SNTG2: variants seen among roughly 807,000 people sequenced by gnomAD.
SNTG2 encodes syntrophin gamma 2.
A neutral mutation model predicts 70.9 loss-of-function variants in SNTG2; 74 were observed. That is an observed-to-expected ratio of 1.04 (90% confidence interval 0.86 to 1.27). The LOEUF (loss-of-function observed/expected upper bound fraction) is 1.27, where lower values mean the gene tolerates loss of function less well. Ranked by LOEUF, SNTG2 falls within the 50% of genes most tolerant of loss-of-function variation. SNTG2 has a pLI of 0.00. For synonymous variants in SNTG2, 278 were observed against 273.8 expected (o/e 1.02, Z -0.15); for missense variants, 717 against 690.7 (o/e 1.04, Z -0.43).
At chr2:1,360,889 G>A (rs4281947) in intron 16 of SNTG2, among the ~76,000 whole-genome samples, 109,744 of 152,060 alleles carry the variant, frequency 0.72, 39,897 homozygotes, top group East Asian at 0.94. Flanking sequence ...AACGATTCCA[G>A]TCACCTGCGT....
intron 4 of SNTG2, among the ~76,000 whole-genome samples, chr2:1,116,122 G>A (rs192784534): frequency 1.3e-5 from 2 of 152,326 alleles, no homozygotes; most frequent in South Asian, 2.1e-4. Flanking sequence ...GGATGTAATC[G>A]TAGGTGGTTG....
At chr2:1,148,985 A>G (rs1038240194) in intron 6 of SNTG2, among the ~76,000 whole-genome samples, 2 of 152,002 alleles carry the variant, frequency 1.3e-5, no homozygotes, top group Non-Finnish European at 2.9e-5. Flanking sequence ...CCTTTCCCTA[A>G]AAATAACAAA....
chr2:1,327,633 AC>A (rs1289887165), intron 16 of SNTG2, among the ~76,000 whole-genome samples: 2 of 152,180 alleles, frequency 1.3e-5, no homozygotes, highest in African/African-American at 2.4e-5. Context: ...TTTTCTGTTA[AC>A]CATTTTTATA....
chr2:1,011,874 A>T (rs1659738022), intron 1 of SNTG2, among the ~76,000 whole-genome samples: 1 of 152,244 alleles, frequency 6.6e-6, no homozygotes, highest in Admixed American at 6.5e-5. Context: ...AGCTGTAGTG[A>T]AACTCTGCAT....
At position 1,222,115 on chromosome 2, in the gene SNTG2, G is replaced by GTCTCTCTCTGTCTCTGTCTCTC. The variant is rs1675204814; in HGVS notation, c.719+12900_719+12901insGTCTCTCTCTCTCTCTGTCTCT. On this transcript the variant is annotated intron_variant, in intron 9 of 16. Coordinates refer to ENST00000308624, the MANE Select transcript of SNTG2 (RefSeq NM_018968.4). ...TCTCTGTCTCTCTCTGTCTCTCTCT[G>GTCTCTCTCTGTCTCTGTCTCTC]TCTCTCTCTGTCTCTCTCTGTCTCT... Among the ~76,000 whole-genome samples the GTCTCTCTCTGTCTCTGTCTCTC allele has an allele frequency of 1.4e-4, 3 of 22,060 alleles. 1 individual carries two copies. The highest frequency in any genetic ancestry group is 1.4e-3 in the Admixed American group (3 of 2,222). 14.5% of individuals were successfully genotyped at this position (22,060 alleles called of 152,430 possible).
chr2:1,094,823 G>A lies in SNTG2; in HGVS notation c.211-3373G>A, dbSNP rs1189667039. On this transcript the variant is annotated intron_variant, in intron 2 of 16. Transcript: ENST00000308624. ...CTGCAGGCAAAGGCCTTATAGGTGT[G>A]TCCTCATGTGGTAGAGTTACTGGCA... Among the ~76,000 whole-genome samples, 2 of 80,458 alleles carry A rather than the reference G, an allele frequency of 2.5e-5. 1 individual carries two copies. Among genetic ancestry groups the A allele is most frequent in the Non-Finnish European group, 4.6e-5 (2 of 43,290 alleles). The allele number at this position is 80,458 out of a possible 152,430, so 52.8% of individuals were successfully genotyped here.
At chr2:1,167,304 C>T (rs898725297) in intron 7 of SNTG2, among the ~76,000 whole-genome samples, 1 of 150,824 alleles carries the variant, frequency 6.6e-6, no homozygotes, top group Non-Finnish European at 1.5e-5. Context: ...AAGCCACCCA[C>T]AGACGGCAGA....
intron 14 of SNTG2, among the ~76,000 whole-genome samples, chr2:1,281,121 G>A (rs548509943): frequency 6.6e-6 from 1 of 151,962 alleles, no homozygotes; most frequent in East Asian, 1.9e-4. Flanking sequence ...TTCATGAGTG[G>A]ATAAAACCAA....
chr2:1,091,687 A>C (rs1439076092), intron 2 of SNTG2, among the ~76,000 whole-genome samples: 4 of 152,188 alleles, frequency 2.6e-5, no homozygotes, highest in Non-Finnish European at 5.9e-5. Flanking sequence ...GAGAAGCCAG[A>C]TCCAACTCCT....
intron 1 of SNTG2, among the ~76,000 whole-genome samples, chr2:980,383 G>A (rs1035010926): frequency 6.6e-6 from 1 of 152,142 alleles, no homozygotes; most frequent in African/African-American, 2.4e-5. Context: ...CAACGATTCT[G>A]TTTCCTATGG....
chr2:988,625 G>A (rs560130481), intron 1 of SNTG2, among the ~76,000 whole-genome samples: 29 of 152,246 alleles, frequency 1.9e-4, no homozygotes, highest in Admixed American at 1.5e-3. Flanking sequence ...GGCTGTGGGC[G>A]TTCATACGTG....
At chr2:1,168,010 T>C (rs1481356726) in intron 7 of SNTG2, among the ~76,000 whole-genome samples, 1 of 128,406 alleles carries the variant, frequency 7.8e-6, no homozygotes. Flanking sequence ...ACGGCAGAAC[T>C]GAAGCCTAGA....
intron 1 of SNTG2, among the ~76,000 whole-genome samples, chr2:1,069,500 AAAC>A (rs1160181219): frequency 2.0e-5 from 3 of 151,188 alleles, no homozygotes; most frequent in African/African-American, 7.4e-5. Flanking sequence ...AAAAAAAAAA[AAAC>A]AAAAACAGGC....
intron 1 of SNTG2, among the ~76,000 whole-genome samples, chr2:980,356 A>T (rs1024283662): frequency 6.6e-6 from 1 of 152,186 alleles, no homozygotes; most frequent in Non-Finnish European, 1.5e-5. Flanking sequence ...AAAACAGCTG[A>T]TGATGAATAA....
At chr2:1,234,584 C>G (rs556396137) in intron 9 of SNTG2, among the ~76,000 whole-genome samples, 21 of 152,202 alleles carry the variant, frequency 1.4e-4, no homozygotes, top group Non-Finnish European at 2.8e-4. Context: ...GATGTCCAGC[C>G]TGCCTCATGA....
rs552639039 is a variant in SNTG2 at position 1,288,842 on chromosome 2, C to A, written c.1285-19652C>A. ...ACACCCACTTTTGTGTACACACTTA[C>A]ACCTATGCACACACATGCAGCCTTT... On this transcript the variant is annotated intron_variant, in intron 14 of 16. Coordinates refer to ENST00000308624, the MANE Select transcript of SNTG2 (RefSeq NM_018968.4). Among the ~76,000 whole-genome samples the A allele has an allele frequency of 3.3e-5, 5 of 152,238 alleles. No homozygotes were observed. The South Asian group carries it at 6.2e-4, about 19-fold the overall frequency.
At chr2:1,043,285 T>A (rs144333118) in intron 1 of SNTG2, among the ~76,000 whole-genome samples, 1 of 152,218 alleles carries the variant, frequency 6.6e-6, no homozygotes, top group East Asian at 1.9e-4. Context: ...TTTGTTAGAT[T>A]TGTTTAAGTT....
chr2:1,186,493 A>G (rs1256225816), intron 8 of SNTG2, among the ~76,000 whole-genome samples: 1 of 152,220 alleles, frequency 6.6e-6, no homozygotes, highest in Non-Finnish European at 1.5e-5. Flanking sequence ...TGGGTAATTT[A>G]TCAAGAAAAG....
intron 1 of SNTG2, among the ~76,000 whole-genome samples, chr2:1,060,756 A>G (rs1351262504): frequency 6.6e-6 from 1 of 152,258 alleles, no homozygotes; most frequent in Non-Finnish European, 1.5e-5. Context: ...AAAAAGCTGT[A>G]CTTGTAGTTA....
Sources: gnomAD v4.1 joint callset for allele counts (sites outside exome capture counted in the v4.1 genomes callset) on GRCh38, gnomAD v4.1.1 for gene constraint, MANE v1.5 for transcripts, NCBI Gene and HGNC (gene_info 2026-07-23, HGNC 2026-07-21) for gene names.